Variants in ANK3 observed in about 807,000 individuals in gnomAD.
ANK3 encodes ankyrin-3.
In ANK3, 57 loss-of-function variants were observed where a neutral mutation model predicts 370.9. The observed-to-expected ratio is 0.15, with a 90% CI of 0.12 to 0.19. The LOEUF (loss-of-function observed/expected upper bound fraction) is 0.19, where lower values mean the gene tolerates loss of function less well. Ranked by LOEUF, ANK3 falls within the 10% of genes least tolerant of loss-of-function variation. The pLI is 1.00. For missense variants in ANK3, 4,439 were observed against 5,302.1 expected (o/e 0.84, Z 5.06); for synonymous variants, 1,929 against 1,946.3 (o/e 0.99, Z 0.23).
At chr10:60,226,603 T>C (rs1653582429) in intron 8 of ANK3, among the ~76,000 whole-genome samples, 1 of 107,500 alleles carries the variant, frequency 9.3e-6, no homozygotes, top group Admixed American at 1.1e-4. Flanking sequence ...ATACTATATA[T>C]AATCAAAAGC....
In ANK3 at chr10:60,102,788, T is replaced by G. The variant is rs1211212657; in HGVS notation, c.3328+3117A>C. Among the ~76,000 whole-genome samples the G allele has an allele frequency of 3.3e-5, 5 of 152,260 alleles. No individual in the cohort carries two copies. The East Asian group carries it at 7.7e-4, about 24-fold the overall frequency. On this transcript the variant is annotated intron_variant, in intron 28 of 43. Transcript: ENST00000280772. ...AACAGGACTGGTTATAAAAGTGGCA[T>G]GTAGATTGGTTATAAAGTAGCACAT...
chr10:60,428,062 T>C (rs919191091), intron 2 of ANK3, among the ~76,000 whole-genome samples: 1 of 152,138 alleles, frequency 6.6e-6, no homozygotes, highest in Non-Finnish European at 1.5e-5. Context: ...GCACTTATCT[T>C]TTCCCAACTG....
At position 60,559,695 on chromosome 10, in the gene ANK3, C is replaced by T. The variant is rs556728923; in HGVS notation, c.96+55491G>A. 1.5e-3 allele frequency among the ~76,000 whole-genome samples: 233 copies of T among 152,136 alleles called. 1 individual carries two copies. Among genetic ancestry groups the T allele is most frequent in the Admixed American group, 2.9e-3 (44 of 15,282 alleles). On this transcript the variant is annotated intron_variant, in intron 2 of 43. Coordinates refer to the ANK3 transcript ENST00000373827. ...GTCACCGTGCAGAGTATTTTTCTTT[C>T]GACCACAAGCCCATGATTAAAAAAT... is the stretch of plus-strand genomic sequence containing the variant.
chr10:60,282,050 G>A (rs765627214), intron 1 of ANK3, among the ~76,000 whole-genome samples: 2 of 152,098 alleles, frequency 1.3e-5, no homozygotes, highest in South Asian at 2.1e-4. Context: ...AATTAGCCAC[G>A]CAAGGATGGC....
chr10:60,457,057 G>A (rs1440832845), intron 2 of ANK3, among the ~76,000 whole-genome samples: 8 of 152,110 alleles, frequency 5.3e-5, no homozygotes, highest in Non-Finnish European at 1.2e-4. Flanking sequence ...ATCTAAGGAA[G>A]GGGCATATTT....
rs975988329 is a variant in ANK3 at position 60,071,567 on chromosome 10, T to A, written c.9314A>T (p.Tyr3105Phe). ...YVSFVQVGKQYEKEIQQGGVK... is the reference protein window; with the variant it reads ...YVSFVQVGKQFEKEIQQGGVK... ...ACCTCCTTGTTGTATCTCCTTTTCA[T>A]ATTGCTTCCCCACTTGTACAAAACT... The change falls in exon 37 of 44, where the codon TAT becomes TTT. Residue 3105 changes from tyrosine (Y) to phenylalanine (F), a missense_variant. Tyr to Phe is a conservative substitution (Grantham distance 22). This residue lies in a region of ANK3 where 1,601 missense variants were observed against 1,731.7 expected (regional missense o/e 0.92). Coordinates refer to ENST00000280772, the MANE Select transcript of ANK3 (RefSeq NM_020987.5). 7 of 1,614,164 alleles carry A rather than the reference T, an allele frequency of 4.3e-6. No individual in the cohort carries two copies. The highest frequency in any genetic ancestry group is 5.1e-6 in the Non-Finnish European group (6 of 1,180,018).
chr10:60,331,036 A>C (rs913840165), intron 1 of ANK3, among the ~76,000 whole-genome samples: 5 of 150,038 alleles, frequency 3.3e-5, no homozygotes, highest in African/African-American at 7.3e-5. Context: ...CAAACACTGC[A>C]TGTTCTCACT....
intron 28 of ANK3, among the ~76,000 whole-genome samples, chr10:60,098,019 G>C (rs1307407275): frequency 6.6e-6 from 1 of 152,148 alleles, no homozygotes; most frequent in Non-Finnish European, 1.5e-5. Flanking sequence ...CTGTAGACAG[G>C]TGCCCAGGGT....
intron 1 of ANK3, among the ~76,000 whole-genome samples, chr10:60,295,427 A>G (rs1221271147): frequency 6.6e-6 from 1 of 152,240 alleles, no homozygotes; most frequent in Non-Finnish European, 1.5e-5. Flanking sequence ...TTGGTCCCCA[A>G]TTAACATTAT....
chr10:60,563,027 T>C (rs1419450057), intron 2 of ANK3, among the ~76,000 whole-genome samples: 2 of 152,186 alleles, frequency 1.3e-5, no homozygotes, highest in Non-Finnish European at 2.9e-5. Flanking sequence ...ACTCATCAAA[T>C]GATTATGAAC....
chr10:60,375,137 T>A (rs537406211), intron 1 of ANK3, among the ~76,000 whole-genome samples: 2 of 152,208 alleles, frequency 1.3e-5, no homozygotes, highest in African/African-American at 4.8e-5. Flanking sequence ...GTTTCTACAA[T>A]GGACATCTAT....
intron 2 of ANK3, among the ~76,000 whole-genome samples, chr10:60,401,086 G>A (rs532467483): frequency 1.1e-4 from 16 of 152,128 alleles, no homozygotes; most frequent in African/African-American, 2.4e-5. Flanking sequence ...AAAATCAGAA[G>A]AACAAAAAAT....
chr10:60,119,234 A>C (rs1224799858), intron 25 of ANK3, among the ~76,000 whole-genome samples: 1 of 152,226 alleles, frequency 6.6e-6, no homozygotes, highest in Non-Finnish European at 1.5e-5. Context: ...ATCTAAATAT[A>C]AAATGAAGCA....
chr10:60,347,729 G>A (rs1267947041), intron 1 of ANK3, among the ~76,000 whole-genome samples: 1 of 152,080 alleles, frequency 6.6e-6, no homozygotes, highest in Non-Finnish European at 1.5e-5. Flanking sequence ...ATAAAGAGGT[G>A]TACCTTAAAT....
At chr10:60,206,999 C>A (rs1402411137) in intron 10 of ANK3, among the ~76,000 whole-genome samples, 1 of 152,144 alleles carries the variant, frequency 6.6e-6, no homozygotes, top group Non-Finnish European at 1.5e-5. Flanking sequence ...GGAGCCCACG[C>A]CCTGTTTTAG....
Position 60,068,950 on chromosome 10 carries a change from GGTGGTGGTAGTGGTGGTA to G in ANK3, c.11913_11930del (p.Thr3973_Thr3978del). The G allele has an allele frequency of 6.2e-7, 1 of 1,614,012 alleles. No individual in the cohort carries two copies. Among genetic ancestry groups the G allele is most frequent in the Non-Finnish European group, 8.5e-7 (1 of 1,179,980 alleles). On this transcript the variant is annotated inframe_deletion, in exon 37 of 44. Coordinates refer to ENST00000280772, the MANE Select transcript of ANK3 (RefSeq NM_020987.5). Reference sequence around the variant, plus strand: ...TCCTAACTTTAACTGTGCAGCTGGTGGTGGTGGTAGTGGTGGTAGTGGTGGTGGTGGTGGCAGTGGTGG... The same window carrying G: ...TCCTAACTTTAACTGTGCAGCTGGTGGTGGTGGTGGTGGTGGCAGTGGTGG...
At chr10:60,706,599 T>C (rs1347544043) in intron 1 of ANK3, among the ~76,000 whole-genome samples, 6 of 152,224 alleles carry the variant, frequency 3.9e-5, no homozygotes, top group African/African-American at 1.4e-4. Context: ...TCTTTGACTG[T>C]TGAGTCGCTT....
chr10:60,182,255 G>C (rs1403034492), intron 17 of ANK3, among the ~76,000 whole-genome samples: 1 of 151,862 alleles, frequency 6.6e-6, no homozygotes, highest in Non-Finnish European at 1.5e-5. Context: ...TGTCACTCTG[G>C]GTAGGAAAGA....
At chr10:60,167,184 C>T (rs1371327500) in intron 21 of ANK3, among the ~76,000 whole-genome samples, 1 of 152,068 alleles carries the variant, frequency 6.6e-6, no homozygotes, top group Non-Finnish European at 1.5e-5. Context: ...AGATTCTGCC[C>T]CTCCTACTCC....
Sources: gnomAD v4.1 joint callset for allele counts (sites outside exome capture counted in the v4.1 genomes callset) on GRCh38, gnomAD v4.1.1 for gene constraint, gnomAD v4.1.1 regional missense constraint, MANE v1.5 for transcripts, NCBI Gene and HGNC (gene_info 2026-07-23, HGNC 2026-07-21) for gene names.